LINC00632: variants seen among roughly 807,000 people sequenced by gnomAD.
The protein encoded by LINC00632 is long independently transcribed non-coding RNA 632.
intron 3 of LINC00632, among the ~76,000 whole-genome samples, chrX:140,771,510 G>C (rs149065839): frequency 0.052 from 5,483 of 105,610 alleles, 352 homozygotes; most frequent in African/African-American, 0.18. Context: ...AGTCACAAAT[G>C]TTGATTATGT....
chrX:140,790,739 T>C (rs1327079027), exon 5 of LINC00632, among the ~76,000 whole-genome samples: 1 of 111,444 alleles, frequency 9.0e-6, no homozygotes, highest in Non-Finnish European at 1.9e-5. Flanking sequence ...AAAGAATTGT[T>C]AGGCTTATTT....
chrX:140,711,701 AATTT>A (rs1460255043), intron 2 of LINC00632: 2 of 242,772 alleles, frequency 8.2e-6, no homozygotes, highest in Non-Finnish European at 1.6e-5. Context: ...CCTATCACCT[AATTT>A]ATTTATTATA....
At chrX:140,734,959 T>C (rs763989314) in intron 3 of LINC00632, among the ~76,000 whole-genome samples, 1 of 109,816 alleles carries the variant, frequency 9.1e-6, no homozygotes, top group African/African-American at 3.3e-5. Context: ...GAGACAGGGT[T>C]TCACCATGTT....
At chrX:140,745,055 G>A (rs12556773) in intron 3 of LINC00632, among the ~76,000 whole-genome samples, 49,934 of 109,522 alleles carry the variant, frequency 0.46, 8,957 homozygotes, top group South Asian at 0.73. Context: ...AGTTGAGACC[G>A]AGGACAAGAC....
chrX:140,715,472 G>A (rs551052272), intron 2 of LINC00632, among the ~76,000 whole-genome samples: 1 of 110,384 alleles, frequency 9.1e-6, no homozygotes, highest in Non-Finnish European at 1.9e-5. Flanking sequence ...GCACATGCTT[G>A]TAGTCCCAGC....
chrX:140,750,782 T>C (rs756325042), intron 3 of LINC00632, among the ~76,000 whole-genome samples: 2 of 110,687 alleles, frequency 1.8e-5, no homozygotes, highest in South Asian at 8.0e-4. Context: ...CCACACATCC[T>C]TTCCCGGTGA....
intron 3 of LINC00632, among the ~76,000 whole-genome samples, chrX:140,742,950 C>T (rs767837317): frequency 6.5e-5 from 7 of 107,503 alleles, no homozygotes; most frequent in Non-Finnish European, 9.6e-5. Context: ...TGGCCAGGCG[C>T]GTATTGGCTC....
intron 3 of LINC00632, among the ~76,000 whole-genome samples, chrX:140,745,275 T>A (rs1347668584): frequency 9.1e-6 from 1 of 110,358 alleles, no homozygotes; most frequent in Non-Finnish European, 1.9e-5. Flanking sequence ...CACATTGAAC[T>A]GAAATCTGCC....
exon 5 of LINC00632, among the ~76,000 whole-genome samples, chrX:140,776,593 C>T (rs912725249): frequency 3.6e-5 from 4 of 112,516 alleles, no homozygotes; most frequent in Non-Finnish European, 7.5e-5. Flanking sequence ...TCCGCATCCG[C>T]CGCGCGTTAG....
In LINC00632 at chrX:140,771,646, TAC is replaced by T. The variant is rs201771487; in HGVS notation, n.192-430_192-429del. Among the ~76,000 whole-genome samples, 457 of 84,579 alleles carry T rather than the reference TAC, an allele frequency of 5.4e-3. 7 individuals are homozygous for T. Among genetic ancestry groups the T allele is most frequent in the Middle Eastern group, 0.019 (3 of 160 alleles). The allele number at this position is 84,579 out of a possible 115,157, so 73.4% of individuals were successfully genotyped here. On this transcript the variant is annotated intron_variant and non_coding_transcript_variant, in intron 3 of 4. Coordinates refer to ENST00000648200, the Ensembl canonical transcript of LINC00632. The stretch of plus-strand genomic sequence containing the variant: ...ACACACACACACACACACACACACA[TAC>T]ATATATGTGTGTGTGTGTATATATA...
At chrX:140,722,437 C>A (rs1321894934) in intron 2 of LINC00632, among the ~76,000 whole-genome samples, 2 of 109,525 alleles carry the variant, frequency 1.8e-5, no homozygotes, top group Non-Finnish European at 1.9e-5. Flanking sequence ...CAGGCATCAT[C>A]TTCTGACACA....
Position 140,759,807 on chromosome X carries a change from T to C in LINC00632, n.192-12271T>C, listed in dbSNP as rs1023670165. 2.4e-4 allele frequency among the ~76,000 whole-genome samples: 27 copies of C among 111,573 alleles called. No homozygotes were observed. In the Admixed American group the frequency reaches 2.6e-3, roughly 11 times the overall value. On this transcript the variant is annotated intron_variant and non_coding_transcript_variant, in intron 3 of 4. Coordinates refer to ENST00000648200, the Ensembl canonical transcript of LINC00632. ...GGACCATGGAGATACCCCTAAGACA[T>C]AGCTCCAACCATAGGGTGCTGATAG...
At chrX:140,780,517 A>G (rs915542683) in exon 5 of LINC00632, among the ~76,000 whole-genome samples, 3 of 111,721 alleles carry the variant, frequency 2.7e-5, no homozygotes, top group African/African-American at 9.8e-5. Context: ...TTGGACATGG[A>G]TGAGTTCTTA....
At chrX:140,713,485 A>C (rs1436313647) in intron 2 of LINC00632, 1 of 335,087 alleles carries the variant, frequency 3.0e-6, no homozygotes, top group South Asian at 2.7e-5. Context: ...CATAGTAACC[A>C]TTATGTAAGT....
At chrX:140,734,201 C>A (rs927153755) in intron 3 of LINC00632, among the ~76,000 whole-genome samples, 1 of 112,183 alleles carries the variant, frequency 8.9e-6, no homozygotes, top group Non-Finnish European at 1.9e-5. Flanking sequence ...TAGCAGTGAT[C>A]TTTGTACTTT....
At chrX:140,750,044 T>C (rs2148392614) in intron 3 of LINC00632, among the ~76,000 whole-genome samples, 1 of 110,618 alleles carries the variant, frequency 9.0e-6, no homozygotes, top group African/African-American at 3.3e-5. Context: ...AATGAATGAA[T>C]AGATAAAGAA....
At chrX:140,781,273 A>G (rs1931928940) in exon 5 of LINC00632, among the ~76,000 whole-genome samples, 1 of 111,450 alleles carries the variant, frequency 9.0e-6, no homozygotes, top group African/African-American at 3.3e-5. Context: ...AATTACATGT[A>G]TTACCTGAAG....
At chrX:140,736,640 T>C (rs748324602) in intron 3 of LINC00632, among the ~76,000 whole-genome samples, 4 of 108,246 alleles carry the variant, frequency 3.7e-5, no homozygotes, top group Non-Finnish European at 7.6e-5. Context: ...TTTCACCATG[T>C]TGGCCAGGAT....
chrX:140,726,991 C>T (rs1000879079), intron 2 of LINC00632, among the ~76,000 whole-genome samples: 6 of 111,183 alleles, frequency 5.4e-5, no homozygotes, highest in African/African-American at 2.0e-4. Context: ...TTCTACCCAA[C>T]TTTCAAATTC....
Sources: gnomAD v4.1 joint callset for allele counts (sites outside exome capture counted in the v4.1 genomes callset) on GRCh38, gnomAD v4.1.1 for gene constraint, MANE v1.5 for transcripts, NCBI Gene and HGNC (gene_info 2026-07-23, HGNC 2026-07-21) for gene names.